Variants in TAF1 observed in about 807,000 individuals in gnomAD.
The protein encoded by TAF1 is transcription initiation factor TFIID subunit 1.
TAF1 carries 2 observed loss-of-function variants against 138.5 expected under a neutral mutation model. The ratio of observed to expected loss-of-function variants is 0.01; its 90% confidence interval spans 0.01 to 0.05. The LOEUF is 0.05. Among genes scored for constraint, TAF1 ranks in the 10% least tolerant of loss-of-function variants. TAF1 has a pLI of 1.00. For missense variants in TAF1, 709 were observed against 1,478.0 expected, an observed-to-expected ratio of 0.48 and a Z score of 8.53; for synonymous variants, 437 against 503.2, an observed-to-expected ratio of 0.87 and a Z score of 1.76.
At chrX:71,412,485 T>C (rs1457642741) in intron 28 of TAF1, among the ~76,000 whole-genome samples, 1 of 112,152 alleles carries the variant, frequency 8.9e-6, no homozygotes, top group African/African-American at 3.2e-5. Context: ...ATTTTGTCTG[T>C]CAATTGATGG....
intron 3 of TAF1, among the ~76,000 whole-genome samples, chrX:71,372,059 C>A (rs1262207894): frequency 9.0e-6 from 1 of 111,203 alleles, no homozygotes; most frequent in Non-Finnish European, 1.9e-5. Flanking sequence ...GAATGTCACA[C>A]CAACTTGCAG....
At chrX:71,387,007 A>G in intron 14 of TAF1, 1 of 355,760 alleles carries the variant, frequency 2.8e-6, no homozygotes, top group African/African-American at 2.5e-5. Flanking sequence ...GTTAAATCAT[A>G]GAGGTAATGG....
chrX:71,437,985 A>G (rs1247046188), intron 32 of TAF1, among the ~76,000 whole-genome samples: 2 of 108,383 alleles, frequency 1.8e-5, no homozygotes, highest in Admixed American at 1.0e-4. Context: ...ACAGGCGTGC[A>G]CCACCACGCC....
chrX:71,396,898 G>A (rs928751355), intron 22 of TAF1, among the ~76,000 whole-genome samples: 1 of 108,386 alleles, frequency 9.2e-6, no homozygotes, highest in East Asian at 2.9e-4. Flanking sequence ...GGTGGTACAC[G>A]CCTGTAGTCC....
At position 71,459,321 on chromosome X, in the gene TAF1, C is replaced by T. The variant is rs751535589; in HGVS notation, c.5065-231C>T. Reference sequence around the variant, plus strand: ...ATGATAGGAGCCCCATCAGTACAGGCCAGGCCAAATCCTAAGATGATATCA... The same window carrying T: ...ATGATAGGAGCCCCATCAGTACAGGTCAGGCCAAATCCTAAGATGATATCA... On this transcript the variant is annotated intron_variant, in intron 35 of 37. Transcript: ENST00000423759. 2.9e-4 allele frequency: 306 copies of T among 1,064,906 alleles called. 1 individual carries two copies. Among genetic ancestry groups the T allele is most frequent in the Non-Finnish European group, 3.6e-4 (288 of 793,448 alleles). 87.8% of individuals were successfully genotyped at this position (1,064,906 alleles called of 1,213,427 possible). A position where few individuals can be genotyped will look rare whatever the true frequency, so the allele number is the denominator to read the frequency against.
intron 32 of TAF1, among the ~76,000 whole-genome samples, chrX:71,429,507 T>C (rs912757355): frequency 1.8e-5 from 2 of 110,335 alleles, no homozygotes; most frequent in Non-Finnish European, 3.8e-5. Flanking sequence ...CTAGGATGCA[T>C]GGTGGAATTA....
At chrX:71,383,861 A>T (rs779818401) in intron 12 of TAF1, 101 bp from the exon 13 acceptor site, 10 of 961,604 alleles carry the variant, frequency 1.0e-5, no homozygotes, top group Non-Finnish European at 1.3e-5. Context: ...ATTGGAAAAT[A>T]GGTAAAATGT....
At chrX:71,502,948 A>C (rs1281099210) in intron 13 of TAF1, among the ~76,000 whole-genome samples, 4 of 109,712 alleles carry the variant, frequency 3.6e-5, no homozygotes, top group African/African-American at 1.3e-4. Context: ...AAAAAGAAAA[A>C]AAAAAGAAAA....
chrX:71,387,563 C>A, intron 15 of TAF1, 102 bp downstream of exon 15: 1 of 964,062 alleles, frequency 1.0e-6, no homozygotes, highest in Non-Finnish European at 1.4e-6. Flanking sequence ...CTTTGGGAGG[C>A]CGCGGTGAAT....
chrX:71,398,791 C>A, intron 24 of TAF1, 54 bp downstream of exon 24: 1 of 1,124,285 alleles, frequency 8.9e-7, no homozygotes, highest in Non-Finnish European at 1.2e-6. Context: ...GAATGTATAC[C>A]TTTTCCTTTA....
chrX:71,410,115 A>T (rs2148503388), intron 28 of TAF1, among the ~76,000 whole-genome samples: 2 of 106,944 alleles, frequency 1.9e-5, no homozygotes, highest in South Asian at 4.1e-4. Flanking sequence ...CTGGTCTTGA[A>T]CTCCTGACCT....
At chrX:71,459,417 A>T in intron 35 of TAF1, 135 bp from the exon 36 acceptor site, 1 of 1,044,372 alleles carries the variant, frequency 9.6e-7, no homozygotes, top group Non-Finnish European at 1.3e-6. Flanking sequence ...TCCACCAAAA[A>T]TAATTACTTA....
chrX:71,384,747 T>C (rs940121739), intron 13 of TAF1, among the ~76,000 whole-genome samples, 198 bp from the exon 14 acceptor site: 7 of 111,851 alleles, frequency 6.3e-5, no homozygotes, highest in African/African-American at 2.0e-4. Context: ...ACTCAAATGC[T>C]CATTGGAGCA....
At chrX:71,396,678 C>G (rs1399513867) in intron 22 of TAF1, among the ~76,000 whole-genome samples, 1 of 111,950 alleles carries the variant, frequency 8.9e-6, no homozygotes, top group Non-Finnish European at 1.9e-5. Context: ...ATCTGCTTCT[C>G]TATCTCCTAT....
Position 71,378,296 on chromosome X carries a change from T to A in TAF1, c.995T>A (p.Val332Glu). 8.3e-7 allele frequency: 1 copy of A among 1,211,887 alleles called. No individual in the cohort carries two copies. Among genetic ancestry groups the A allele is most frequent in the African/African-American group, 1.7e-5 (1 of 57,811 alleles). The change falls in exon 7 of 38, where the codon GTG becomes GAG. Residue 332 changes from valine (V) to glutamate (E), a missense_variant. By Grantham distance (121) the Val-to-Glu change is moderately radical. Around this residue, in one of 14 missense-constraint regions of TAF1, gnomAD observed 201 missense variants for 421.3 expected, o/e 0.48. Transcript: ENST00000423759. ...CAATCAACTGGAGATATAGATAAAG[T>A]GACAGATACCAAACCAAGAGTGGCT... ...FSQSTGDIDK[V>E]TDTKPRVAEW... is the part of the protein sequence containing the mutation.
intron 18 of TAF1, among the ~76,000 whole-genome samples, chrX:71,391,023 G>T (rs886714947): frequency 9.1e-6 from 1 of 110,223 alleles, no homozygotes; most frequent in Admixed American, 9.8e-5. Context: ...AAAGAAATGG[G>T]ATCTTACTGT....
intron 28 of TAF1, among the ~76,000 whole-genome samples, chrX:71,408,645 T>C (rs764697531): frequency 8.9e-6 from 1 of 111,890 alleles, no homozygotes; most frequent in African/African-American, 3.2e-5. Context: ...TTAATTCTTA[T>C]ATCCTTTGGA....
intron 32 of TAF1, 68 bp downstream of exon 32, chrX:71,424,306 A>G: frequency 1.0e-6 from 1 of 995,939 alleles, no homozygotes; most frequent in Non-Finnish European, 1.4e-6. Flanking sequence ...ATTACTTAGC[A>G]TTATTAAAAA....
intron 13 of TAF1, among the ~76,000 whole-genome samples, chrX:71,520,563 T>G (rs2039914712): frequency 1.4e-5 from 1 of 70,134 alleles, no homozygotes; most frequent in Non-Finnish European, 2.6e-5. Flanking sequence ...GCACCTGTAA[T>G]CCCAGCTACT....
Sources: gnomAD v4.1 joint callset for allele counts (sites outside exome capture counted in the v4.1 genomes callset) on GRCh38, gnomAD v4.1.1 for gene constraint, gnomAD v4.1.1 regional missense constraint, MANE v1.5 for transcripts, NCBI Gene and HGNC (gene_info 2026-07-23, HGNC 2026-07-21) for gene names.